The following RASSF8 variants were observed in gnomAD, a reference collection of about 807,000 sequenced individuals.
RASSF8 encodes the protein ras association domain-containing protein 8.
In RASSF8, 22 loss-of-function variants were observed where a neutral mutation model predicts 48.5. That is an observed-to-expected ratio of 0.45 (90% CI 0.32 to 0.65). RASSF8 has a LOEUF of 0.65. Ranked by LOEUF, RASSF8 falls within the 30% of genes least tolerant of loss-of-function variation. RASSF8 has a pLI of 0.03. For missense variants in RASSF8, 418 were observed against 489.2 expected (o/e 0.85, Z 1.37); for synonymous variants, 127 against 171.5 (o/e 0.74, Z 2.03).
At chr12:25,999,321 C>G (rs1230189619) in intron 2 of RASSF8, among the ~76,000 whole-genome samples, 2 of 152,144 alleles carry the variant, frequency 1.3e-5, no homozygotes, top group Non-Finnish European at 2.9e-5. Flanking sequence ...ATTTATATAG[C>G]ACTTTCTATG....
intron 1 of RASSF8, among the ~76,000 whole-genome samples, chr12:25,962,549 A>G (rs1381036910): frequency 1.3e-5 from 2 of 152,162 alleles, no homozygotes; most frequent in African/African-American, 4.8e-5. Context: ...GTGCTCAATA[A>G]ATATGTTGAT....
At chr12:26,074,044 AACTT>A (rs1296114561), downstream of RASSF8, among the ~76,000 whole-genome samples, 1 of 152,090 alleles carries the variant, frequency 6.6e-6, no homozygotes, top group Non-Finnish European at 1.5e-5. Context: ...TGAAATGAGA[AACTT>A]AAAGTCATTC....
chr12:26,017,624 A>T (rs1215818447), intron 2 of RASSF8, among the ~76,000 whole-genome samples: 1 of 152,166 alleles, frequency 6.6e-6, no homozygotes. Context: ...CCAAAAACGC[A>T]CCCAAGGTGA....
intron 2 of RASSF8, among the ~76,000 whole-genome samples, chr12:26,025,236 C>T (rs560173407): frequency 2.6e-5 from 4 of 152,036 alleles, no homozygotes; most frequent in East Asian, 3.9e-4. Context: ...AGGTTTTAGG[C>T]GAGACACTTA....
chr12:26,074,178 C>T (rs547192488), downstream of RASSF8, among the ~76,000 whole-genome samples: 20 of 152,178 alleles, frequency 1.3e-4, no homozygotes, highest in East Asian at 3.7e-3. Flanking sequence ...AACTCTTCAC[C>T]CACTACCCTC....
chr12:26,067,417 A>G (rs1943899836), intron 4 of RASSF8, 152 bp from the exon 5 acceptor site: 7 of 825,628 alleles, frequency 8.5e-6, no homozygotes, highest in Non-Finnish European at 1.1e-5. Flanking sequence ...TCTTTAGCCC[A>G]TTGTGTCAAT....
intron 3 of RASSF8, among the ~76,000 whole-genome samples, chr12:26,058,536 GCGCACA>G (rs902737307): frequency 2.2e-4 from 18 of 83,480 alleles, no homozygotes; most frequent in South Asian, 1.3e-3. Context: ...GCACGCGCGC[GCGCACA>G]CACACACACA....
At chr12:26,061,834 T>A (rs963097675) in intron 3 of RASSF8, among the ~76,000 whole-genome samples, 1 of 152,128 alleles carries the variant, frequency 6.6e-6, no homozygotes, top group Admixed American at 6.5e-5. Flanking sequence ...TTGCCTTTTT[T>A]AAAAAAAGCT....
At chr12:25,987,232 C>G (rs910182099) in intron 1 of RASSF8, among the ~76,000 whole-genome samples, 11 of 152,138 alleles carry the variant, frequency 7.2e-5, no homozygotes, top group African/African-American at 2.4e-4. Flanking sequence ...CCACGCCTGG[C>G]CCAGGATTGA....
At chr12:26,021,762 C>T (rs138153540) in intron 2 of RASSF8, among the ~76,000 whole-genome samples, 17 of 152,246 alleles carry the variant, frequency 1.1e-4, no homozygotes, top group East Asian at 7.7e-4. Flanking sequence ...CCCTACCCAG[C>T]CCCCAGAGCA....
Position 26,071,105 on chromosome 12 carries a change from T to G in RASSF8, c.*2287T>G, listed in dbSNP as rs940797900. 1.5e-5 allele frequency: 15 copies of G among 971,150 alleles called. No homozygotes were observed. Among genetic ancestry groups the G allele is most frequent in the Non-Finnish European group, 1.8e-5 (15 of 817,190 alleles). 60.2% of individuals were successfully genotyped at this position (971,150 alleles called of 1,614,324 possible). A position where few individuals can be genotyped will look rare whatever the true frequency, so the allele number is the denominator to read the frequency against. ...AGTATAGAAATGTGAATATGTTGAA[T>G]ACATTGAGAAGCTGTACTTTTTAAT... On this transcript the variant is annotated 3_prime_UTR_variant, in exon 6 of 6. Transcript: ENST00000689635.
chr12:26,067,358 G>A (rs1004615), intron 4 of RASSF8, among the ~76,000 whole-genome samples: 10,030 of 152,168 alleles, frequency 0.066, 468 homozygotes, highest in Non-Finnish European at 0.1. Flanking sequence ...TGAAACTGTT[G>A]TCTTCCCTTG....
chr12:26,017,738 C>G (rs1281839656), intron 2 of RASSF8, among the ~76,000 whole-genome samples: 2 of 152,252 alleles, frequency 1.3e-5, no homozygotes, highest in Non-Finnish European at 2.9e-5. Flanking sequence ...GGGAAGCCCC[C>G]ATGCCACAGG....
chr12:26,060,473 A>C (rs1389386061), intron 3 of RASSF8, among the ~76,000 whole-genome samples: 7 of 152,206 alleles, frequency 4.6e-5, no homozygotes, highest in African/African-American at 1.7e-4. Context: ...AAATTACTTA[A>C]AATTCTTTAA....
chr12:26,073,628 A>G (rs917839395), downstream of RASSF8, among the ~76,000 whole-genome samples: 14 of 151,818 alleles, frequency 9.2e-5, no homozygotes, highest in Non-Finnish European at 1.9e-4. Context: ...AGTCCCAGCT[A>G]CTCAGGAGGC....
intron 1 of RASSF8, among the ~76,000 whole-genome samples, chr12:25,986,244 C>T (rs1364285650): frequency 6.6e-6 from 1 of 152,118 alleles, no homozygotes; most frequent in Non-Finnish European, 1.5e-5. Flanking sequence ...CTCCAGGCTC[C>T]TGCACTTCAC....
Position 26,067,719 on chromosome 12 carries a change from A to T in RASSF8, c.1138+6A>T. 1 of 1,613,420 alleles carries T rather than the reference A, an allele frequency of 6.2e-7. No individual in the cohort carries two copies. The highest frequency in any genetic ancestry group is 8.5e-7 in the Non-Finnish European group (1 of 1,179,824). On this transcript the variant is annotated splice_donor_region_variant and intron_variant, in intron 5 of 5. Transcript: ENST00000689635. ...ACATGCAGACATTGAAAGGGGTAAG[A>T]TGTTGATAAATATGGTTTATTTTCC...
chr12:26,021,746 T>G (rs901156410), intron 2 of RASSF8, among the ~76,000 whole-genome samples: 1 of 152,098 alleles, frequency 6.6e-6, no homozygotes, highest in Non-Finnish European at 1.5e-5. Flanking sequence ...TACCAAAGAC[T>G]GCTCCCCCTA....
In RASSF8 at chr12:26,078,645, A is replaced by G. The variant is rs537884746; in HGVS notation, c.1139-388A>G. On this transcript the variant is annotated intron_variant, in intron 5 of 5. Coordinates refer to the RASSF8 transcript ENST00000381352. ...ATTGAATTACCCTTAATTCTTCCCAAATTAAAATTAAATTCACAGGTAAGA... is the reference window on the plus strand; with the variant it reads ...ATTGAATTACCCTTAATTCTTCCCAGATTAAAATTAAATTCACAGGTAAGA... Among the ~76,000 whole-genome samples the G allele has an allele frequency of 2.6e-5, 4 of 152,324 alleles. No individual in the cohort carries two copies. In the East Asian group the frequency reaches 7.7e-4, roughly 29 times the overall value.
Sources: allele counts gnomAD v4.1 joint callset (sites outside exome capture counted in the v4.1 genomes callset), GRCh38; gene constraint gnomAD v4.1.1; transcripts MANE v1.5; gene names NCBI Gene and HGNC (gene_info 2026-07-23, HGNC 2026-07-21).